BTNL8: variants seen among roughly 807,000 people sequenced by gnomAD.
BTNL8 encodes the protein butyrophilin-like protein 8.
In BTNL8, 22 loss-of-function variants were observed where a neutral mutation model predicts 36.1. The observed-to-expected ratio is 0.61, with a 90% CI of 0.44 to 0.87. BTNL8 has a LOEUF of 0.87. Ranked by LOEUF, BTNL8 falls within the 40% of genes least tolerant of loss-of-function variation. The pLI is 0.00. For missense variants in BTNL8, 526 were observed against 616.9 expected, an observed-to-expected ratio of 0.85 and a Z score of 1.56; for synonymous variants, 203 against 235.6, an observed-to-expected ratio of 0.86 and a Z score of 1.27.
chr5:180,950,652 C>T lies in BTNL8; in HGVS notation c.*108C>T. 1 of 1,157,760 alleles carries T rather than the reference C, an allele frequency of 8.6e-7. No homozygotes were observed. The highest frequency in any genetic ancestry group is 1.3e-5 in the South Asian group (1 of 74,420). The allele number at this position is 1,157,760 out of a possible 1,614,324, so 71.7% of individuals were successfully genotyped here. ...GGCTTCCAGATGAAGGGGGACTGGC[C>T]TGTCCACATGGGAGTCAGGTGTCAT... On this transcript the variant is annotated 3_prime_UTR_variant, in exon 8 of 8. Transcript: ENST00000340184.
chr5:180,927,076 C>T (rs921926082), intron 3 of BTNL8, among the ~76,000 whole-genome samples: 7 of 152,118 alleles, frequency 4.6e-5, no homozygotes, highest in Non-Finnish European at 8.8e-5. Flanking sequence ...AGGAGAGCTC[C>T]GGCTGGCATA....
chr5:180,920,227 G>A (rs1178221072), intron 3 of BTNL8, among the ~76,000 whole-genome samples: 1 of 152,072 alleles, frequency 6.6e-6, no homozygotes. Flanking sequence ...AAAACCATAT[G>A]GTACTGGCAT....
chr5:180,905,505 GT>G (rs1264070524), intron 1 of BTNL8, among the ~76,000 whole-genome samples: 22 of 93,218 alleles, frequency 2.4e-4, no homozygotes, highest in Non-Finnish European at 4.3e-4. Flanking sequence ...TTTTTGAAGG[GT>G]TTTTTGTGTC....
At chr5:180,923,390 A>G (rs1023333923) in intron 3 of BTNL8, among the ~76,000 whole-genome samples, 1 of 152,174 alleles carries the variant, frequency 6.6e-6, no homozygotes, top group Non-Finnish European at 1.5e-5. Flanking sequence ...GAGAAAATCT[A>G]TAAGATTCTC....
chr5:180,932,967 T>G (rs1483956229), intron 3 of BTNL8, among the ~76,000 whole-genome samples: 70 of 147,236 alleles, frequency 4.8e-4, no homozygotes, highest in Non-Finnish European at 7.4e-5. Flanking sequence ...AGTCTGAAAG[T>G]GAGGGGATGA....
chr5:180,924,326 G>A (rs1018740099), intron 3 of BTNL8, among the ~76,000 whole-genome samples: 5 of 152,148 alleles, frequency 3.3e-5, no homozygotes, highest in Non-Finnish European at 7.4e-5. Context: ...ACACATCTGT[G>A]GAGCATAGCC....
At chr5:180,923,026 T>G (rs1757940218) in intron 3 of BTNL8, among the ~76,000 whole-genome samples, 1 of 152,194 alleles carries the variant, frequency 6.6e-6, no homozygotes, top group Admixed American at 6.5e-5. Context: ...TTTCCTGCTT[T>G]CCATTTGCTT....
intron 1 of BTNL8, among the ~76,000 whole-genome samples, chr5:180,905,032 TAGCCTCA>T (rs1757017109): frequency 6.6e-6 from 1 of 150,556 alleles, no homozygotes; most frequent in Non-Finnish European, 1.5e-5. Flanking sequence ...AGAATGATGC[TAGCCTCA>T]TAAAATGAGT....
intron 2 of BTNL8, among the ~76,000 whole-genome samples, chr5:180,911,128 G>A (rs1757371231): frequency 6.6e-6 from 1 of 152,152 alleles, no homozygotes. Context: ...ATCATGACTG[G>A]TGCTTAGGAA....
At chr5:180,918,724 T>TGTA (rs1757748738) in intron 3 of BTNL8, among the ~76,000 whole-genome samples, 1 of 152,160 alleles carries the variant, frequency 6.6e-6, no homozygotes, top group African/African-American at 2.4e-5. Flanking sequence ...ATATGTAAGG[T>TGTA]GTACACTGGT....
intron 2 of BTNL8, 42 bp downstream of exon 2, chr5:180,908,975 T>C (rs1757254464): frequency 6.5e-7 from 1 of 1,539,412 alleles, no homozygotes; most frequent in South Asian, 1.2e-5. Context: ...CAAAGAACCA[T>C]CCTGGACTTT....
In BTNL8 at chr5:180,902,416, C is replaced by G. The variant is rs1433968976; in HGVS notation, c.49+3057C>G. 2.6e-6 allele frequency: 4 copies of G among 1,547,968 alleles called. No individual in the cohort carries two copies. The South Asian group carries it at 4.8e-5, about 18-fold the overall frequency. On this transcript the variant is annotated intron_variant, in intron 1 of 7. Coordinates refer to ENST00000340184, the MANE Select transcript of BTNL8 (RefSeq NM_001040462.3). Reference sequence around the variant, plus strand: ...TCAAATGTAAGGAGATACACAAATGCAAGTCACTGGCTTTAGAAATAGGAT... The same window carrying G: ...TCAAATGTAAGGAGATACACAAATGGAAGTCACTGGCTTTAGAAATAGGAT...
chr5:180,940,502 G>A (rs1230849667), intron 3 of BTNL8, among the ~76,000 whole-genome samples: 1 of 151,600 alleles, frequency 6.6e-6, no homozygotes, highest in African/African-American at 2.4e-5. Context: ...AAACTAGAAG[G>A]GCAAGAAGAA....
intron 3 of BTNL8, among the ~76,000 whole-genome samples, chr5:180,938,222 A>G (rs145257187): frequency 1.3e-5 from 2 of 152,318 alleles, no homozygotes; most frequent in African/African-American, 4.8e-5. Flanking sequence ...AATACCATTA[A>G]GTGAAAAAAT....
intron 7 of BTNL8, 120 bp from the exon 8 acceptor site, chr5:180,949,784 G>A: frequency 7.9e-7 from 1 of 1,257,904 alleles, no homozygotes; most frequent in Non-Finnish European, 1.1e-6. Context: ...GGGAGGCTCA[G>A]GTCCGGGGCC....
chr5:180,910,984 AGAGGCTTCACTATTACT>A (rs1757361162), intron 2 of BTNL8, among the ~76,000 whole-genome samples: 1 of 152,226 alleles, frequency 6.6e-6, no homozygotes, highest in South Asian at 2.1e-4. Context: ...GCAACTGATT[AGAGGCTTCACTATTACT>A]TTAATTCGGG....
chr5:180,905,123 C>G (rs1188505844), intron 1 of BTNL8, among the ~76,000 whole-genome samples: 1 of 150,980 alleles, frequency 6.6e-6, no homozygotes, highest in Non-Finnish European at 1.5e-5. Flanking sequence ...CCTTGTACCT[C>G]TGGTAGAATT....
chr5:180,944,569 T>C (rs2387720), intron 3 of BTNL8, among the ~76,000 whole-genome samples: 67,599 of 151,962 alleles, frequency 0.44, 16,029 homozygotes, highest in African/African-American at 0.61. Flanking sequence ...TACAAAATTA[T>C]ATTTAAATAG....
rs1221072995 is a variant in BTNL8, at chr5:180,899,333, T to C, written c.23T>C (p.Val8Ala). The C allele has an allele frequency of 6.2e-7, 1 of 1,614,220 alleles. No individual in the cohort carries two copies. The highest frequency in any genetic ancestry group is 1.1e-5 in the South Asian group (1 of 91,088). Residue 8 changes from valine to alanine, a missense_variant, in exon 1 of 8, where the codon GTT becomes GCT. Coordinates refer to ENST00000340184, the MANE Select transcript of BTNL8 (RefSeq NM_001040462.3). MALMLSLVLSLLKLGSGQ... is the reference protein window; with the variant it reads MALMLSLALSLLKLGSGQ... Reference sequence around the variant, plus strand: ...TCCATGGCTCTCATGCTCAGTTTGGTTCTGAGTCTCCTCAAGCTGGGATCA... The same window carrying C: ...TCCATGGCTCTCATGCTCAGTTTGGCTCTGAGTCTCCTCAAGCTGGGATCA...
Sources: allele counts gnomAD v4.1 joint callset (sites outside exome capture counted in the v4.1 genomes callset), GRCh38; gene constraint gnomAD v4.1.1; transcripts MANE v1.5; gene names NCBI Gene and HGNC (gene_info 2026-07-23, HGNC 2026-07-21).